Variants in LINC00305 observed in about 807,000 individuals in gnomAD.
LINC00305 encodes long independently transcribed non-coding RNA 305.
intron 1 of LINC00305, among the ~76,000 whole-genome samples, chr18:64,113,322 G>A (rs977192950): frequency 2.0e-5 from 3 of 152,172 alleles, no homozygotes; most frequent in South Asian, 2.1e-4. Context: ...CAATGCTTAC[G>A]TCTGAGTAAA....
At chr18:64,115,893 A>G (rs1446118472) in intron 1 of LINC00305, among the ~76,000 whole-genome samples, 1 of 152,200 alleles carries the variant, frequency 6.6e-6, no homozygotes, top group Non-Finnish European at 1.5e-5. Context: ...TAGCATCCGT[A>G]TCTCCCAGTT....
At chr18:64,135,224 C>G (rs2051427432) in intron 1 of LINC00305, among the ~76,000 whole-genome samples, 2 of 152,212 alleles carry the variant, frequency 1.3e-5, no homozygotes, top group South Asian at 4.2e-4. Context: ...TTAGGGCCCA[C>G]CCTAATGACC....
At chr18:64,115,757 T>A (rs1168832425) in intron 1 of LINC00305, among the ~76,000 whole-genome samples, 1 of 152,174 alleles carries the variant, frequency 6.6e-6, no homozygotes, top group Admixed American at 6.5e-5. Context: ...ATTGCAATTT[T>A]AAATTCTTCC....
chr18:64,107,519 C>T (rs1006556065), intron 1 of LINC00305, among the ~76,000 whole-genome samples: 5 of 152,110 alleles, frequency 3.3e-5, no homozygotes, highest in Admixed American at 6.5e-5. Context: ...TAGATGCGCA[C>T]GGAGGAAGCA....
At chr18:64,087,862 C>A (rs1228241449) in intron 3 of LINC00305, among the ~76,000 whole-genome samples, 1 of 151,598 alleles carries the variant, frequency 6.6e-6, no homozygotes, top group South Asian at 2.1e-4. Flanking sequence ...GAGGCCGAGG[C>A]GGATGGATCA....
chr18:64,103,262 C>A (rs2144241922), intron 1 of LINC00305, among the ~76,000 whole-genome samples: 1 of 152,302 alleles, frequency 6.6e-6, no homozygotes, highest in East Asian at 1.9e-4. Context: ...TCCTGTCTTT[C>A]TCAAATAGTA....
intron 1 of LINC00305, among the ~76,000 whole-genome samples, chr18:64,118,680 A>C (rs1338022227): frequency 7.2e-5 from 11 of 152,146 alleles, no homozygotes; most frequent in Admixed American, 7.2e-4. Context: ...TAAATTATAT[A>C]CATATATAAA....
At chr18:64,086,552 A>G (rs2051204382) in intron 3 of LINC00305, among the ~76,000 whole-genome samples, 1 of 152,228 alleles carries the variant, frequency 6.6e-6, no homozygotes, top group Non-Finnish European at 1.5e-5. Flanking sequence ...TTGATTCACT[A>G]AAGCTACCCA....
rs999183979 is a variant in LINC00305 at position 64,137,550 on chromosome 18, G to A, written n.314+11225C>T. Among the ~76,000 whole-genome samples, 16 of 152,274 alleles carry A rather than the reference G, an allele frequency of 1.1e-4. 1 individual carries two copies. In the East Asian group the frequency reaches 3.1e-3, roughly 29 times the overall value. Reference sequence around the variant, plus strand: ...TGGACACAGATATCATATGTCAGAGGCTCACGACTTGTTTCAAAAGTAAAG... The same window carrying A: ...TGGACACAGATATCATATGTCAGAGACTCACGACTTGTTTCAAAAGTAAAG... On this transcript the variant is annotated intron_variant and non_coding_transcript_variant, in intron 1 of 3. Coordinates refer to ENST00000666468, the Ensembl canonical transcript of LINC00305.
intron 3 of LINC00305, among the ~76,000 whole-genome samples, chr18:64,083,950 G>C (rs371577126): frequency 1.3e-5 from 2 of 152,162 alleles, no homozygotes; most frequent in African/African-American, 4.8e-5. Context: ...AGTTCCTGTA[G>C]GGAGGATCCC....
intron 1 of LINC00305, among the ~76,000 whole-genome samples, chr18:64,124,945 A>G (rs551027161): frequency 2.8e-4 from 42 of 152,258 alleles, no homozygotes; most frequent in African/African-American, 5.1e-4. Context: ...ATTAATTTCA[A>G]TGAAAGCACT....
chr18:64,118,108 G>A (rs2051345776), intron 1 of LINC00305, among the ~76,000 whole-genome samples: 1 of 152,106 alleles, frequency 6.6e-6, no homozygotes, highest in South Asian at 2.1e-4. Context: ...CAGCTAGGAG[G>A]CATTTCATTC....
At chr18:64,113,121 C>T (rs1171021990) in intron 1 of LINC00305, among the ~76,000 whole-genome samples, 1 of 152,166 alleles carries the variant, frequency 6.6e-6, no homozygotes, top group Non-Finnish European at 1.5e-5. Flanking sequence ...TCTTTCCGTT[C>T]TTGCACGGTA....
chr18:64,089,124 C>A (rs1160813284), intron 3 of LINC00305, among the ~76,000 whole-genome samples: 1 of 152,106 alleles, frequency 6.6e-6, no homozygotes, highest in African/African-American at 2.4e-5. Flanking sequence ...CATCTTGAAT[C>A]GTAATCTGAA....
At position 64,124,721 on chromosome 18, in the gene LINC00305, T is replaced by C. The variant is rs1185318071; in HGVS notation, n.314+24054A>G. Among the ~76,000 whole-genome samples the C allele has an allele frequency of 3.3e-5, 5 of 152,164 alleles. No homozygotes were observed. The South Asian group carries it at 6.2e-4, about 19-fold the overall frequency. On this transcript the variant is annotated intron_variant and non_coding_transcript_variant, in intron 1 of 3. Transcript: ENST00000666468. ...CCAAACAATTACATAGCAGTCACTA[T>C]GTATCAGGCACTGAATTAAGTGCTT...
At chr18:64,109,555 C>T (rs1341113704) in intron 1 of LINC00305, among the ~76,000 whole-genome samples, 1 of 152,190 alleles carries the variant, frequency 6.6e-6, no homozygotes, top group Non-Finnish European at 1.5e-5. Flanking sequence ...TCATCATCGG[C>T]CTCATCGTCA....
At chr18:64,090,000 C>T (rs2051218670) in intron 3 of LINC00305, among the ~76,000 whole-genome samples, 2 of 152,098 alleles carry the variant, frequency 1.3e-5, no homozygotes, top group South Asian at 4.1e-4. Flanking sequence ...TCCAGACAGG[C>T]ACACAATAGG....
intron 1 of LINC00305, among the ~76,000 whole-genome samples, chr18:64,113,621 C>A (rs1212423693): frequency 6.6e-6 from 1 of 150,860 alleles, no homozygotes; most frequent in Non-Finnish European, 1.5e-5. Flanking sequence ...TTCCCAGTTT[C>A]AGGGAAAGGC....
At chr18:64,107,290 A>T (rs1300348794) in intron 1 of LINC00305, among the ~76,000 whole-genome samples, 1 of 152,234 alleles carries the variant, frequency 6.6e-6, no homozygotes, top group Non-Finnish European at 1.5e-5. Context: ...TGCTTGGTAG[A>T]GGCCATGTGC....
Sources: gnomAD v4.1 joint callset for allele counts (sites outside exome capture counted in the v4.1 genomes callset) on GRCh38, gnomAD v4.1.1 for gene constraint, MANE v1.5 for transcripts, NCBI Gene and HGNC (gene_info 2026-07-23, HGNC 2026-07-21) for gene names.